Variants in TPCN2 observed in about 807,000 individuals in gnomAD.
The protein encoded by TPCN2 is two pore segment channel 2.
TPCN2 carries 92 observed loss-of-function variants against 111.4 expected under a neutral mutation model. That is an observed-to-expected ratio of 0.83 (90% confidence interval 0.70 to 0.98). The LOEUF is 0.98. TPCN2 is among the 50% of genes least tolerant of loss of function. The pLI, the probability that TPCN2 is intolerant of heterozygous loss-of-function variation, is 0.00. For missense variants in TPCN2, 995 were observed against 980.1 expected (o/e 1.02, Z -0.20); for synonymous variants, 405 against 414.5 (o/e 0.98, Z 0.28).
intron 1 of TPCN2, among the ~76,000 whole-genome samples, chr11:69,049,978 G>C (rs942988881): frequency 1.3e-5 from 2 of 152,220 alleles, no homozygotes; most frequent in African/African-American, 4.8e-5. Flanking sequence ...ACCACTCTGA[G>C]AATTCACACC....
rs201263398 is a variant in TPCN2, at chr11:69,087,173, C to T, written c.2147C>T (p.Ala716Val). 13 of 1,613,954 alleles carry T rather than the reference C, an allele frequency of 8.1e-6. No individual in the cohort carries two copies. The highest frequency in any genetic ancestry group is 3.3e-5 in the Admixed American group (2 of 60,020). Residue 716 changes from alanine to valine, a missense_variant, in exon 24 of 25, where the codon GCC becomes GTC. Physicochemically the swap from Ala to Val is moderately conservative, Grantham distance 64. Coordinates refer to ENST00000294309, the MANE Select transcript of TPCN2 (RefSeq NM_139075.4). ...HLQPLAGTPE[A>V]TYQMTVELLF... ...CAGCCCCTTGCTGGGACCCCAGAGG[C>T]CACCTACCAGATGACTGTGGAGCTC...
intron 7 of TPCN2, among the ~76,000 whole-genome samples, chr11:69,065,919 T>C (rs781424221): frequency 2.4e-4 from 36 of 152,208 alleles, no homozygotes; most frequent in Non-Finnish European, 4.3e-4. Flanking sequence ...TGCAGAGCTG[T>C]GGCTTGGGCT....
rs1201104603 is a variant in TPCN2 at position 69,071,517 on chromosome 11, G to A, written c.960+97G>A. ...GCAGCTGGGTGACCCTTGCTGGCCAGGCCCCTGGTGGGACGGGAGGGCAGG... is the reference window on the plus strand; with the variant it reads ...GCAGCTGGGTGACCCTTGCTGGCCAAGCCCCTGGTGGGACGGGAGGGCAGG... On this transcript the variant is annotated intron_variant, in intron 10 of 24. Transcript: ENST00000294309. 6.4e-6 allele frequency: 7 copies of A among 1,096,692 alleles called. No homozygotes were observed. In the African/African-American group the frequency reaches 9.2e-5, roughly 14 times the overall value. The allele number at this position is 1,096,692 out of a possible 1,614,324, so 67.9% of individuals were successfully genotyped here.
At chr11:69,067,360 T>C (rs1565086039) in intron 7 of TPCN2, 143 bp from the exon 8 acceptor site, 4 of 747,790 alleles carry the variant, frequency 5.3e-6, no homozygotes, top group East Asian at 5.1e-5. Context: ...TGTCTGGCCA[T>C]GAGCTCAGCC....
At chr11:69,054,882 C>T (rs1265846071) in intron 3 of TPCN2, 85 bp downstream of exon 3, 1 of 1,398,048 alleles carries the variant, frequency 7.2e-7, no homozygotes, top group Non-Finnish European at 1.0e-6. Flanking sequence ...ATCACCTGGT[C>T]TCAGGGTCCA....
At chr11:69,054,654 T>A in intron 2 of TPCN2, 67 bp from the exon 3 acceptor site, 1 of 1,456,224 alleles carries the variant, frequency 6.9e-7, no homozygotes, top group Non-Finnish European at 9.6e-7. Flanking sequence ...GTGTGTGGTG[T>A]GGGGCTCGGG....
chr11:69,063,931 C>T lies in TPCN2; in HGVS notation c.690C>T (p.Phe230=). ...TGCTGGCCATCCACCTGTGCCTCTT[C>T]ACCATGTTCGGAATGCTGCTGTTCG... The part of the protein sequence containing the change: ...GLLLAIHLCL[F]TMFGMLLFAG... The change falls in exon 7 of 25, where the codon TTC becomes TTT. Residue 230 remains phenylalanine, a synonymous_variant. Coordinates refer to ENST00000294309, the MANE Select transcript of TPCN2 (RefSeq NM_139075.4). The T allele has an allele frequency of 6.2e-7, 1 of 1,614,150 alleles. No individual in the cohort carries two copies. Among genetic ancestry groups the T allele is most frequent in the East Asian group, 2.2e-5 (1 of 44,882 alleles).
At chr11:69,067,427 T>C (rs1268569920) in intron 7 of TPCN2, 76 bp from the exon 8 acceptor site, 2 of 1,373,238 alleles carry the variant, frequency 1.5e-6, no homozygotes, top group Non-Finnish European at 2.1e-6. Context: ...TTCCAGCCGG[T>C]TGGGTCCGGG....
chr11:69,050,982 T>C (rs186424240), intron 1 of TPCN2, among the ~76,000 whole-genome samples: 83 of 152,336 alleles, frequency 5.4e-4, no homozygotes, highest in African/African-American at 1.8e-3. Context: ...GTGTTCTGAA[T>C]CCCCTTGGCC....
At position 69,072,524 on chromosome 11, in the gene TPCN2, C is replaced by G. The variant is rs1855581656; in HGVS notation, c.1062-103C>G. The G allele has an allele frequency of 4.2e-6, 5 of 1,184,260 alleles. No homozygotes were observed. The South Asian group carries it at 5.7e-5, about 14-fold the overall frequency. 73.4% of individuals were successfully genotyped at this position (1,184,260 alleles called of 1,614,324 possible). The stretch of plus-strand genomic sequence containing the variant: ...TGTGGCTCAAGCTGCAAAGTGGCTT[C>G]ATGGCAAAGCTCAAGCCAGACGCCA... On this transcript the variant is annotated intron_variant, in intron 11 of 24. Transcript: ENST00000294309.
intron 19 of TPCN2, 32 bp downstream of exon 19, chr11:69,084,048 A>T: frequency 6.2e-7 from 1 of 1,609,694 alleles, no homozygotes; most frequent in Non-Finnish European, 8.5e-7. Flanking sequence ...GTGGCGGGTT[A>T]TGCACTGGAG....
chr11:69,084,079 G>T, intron 19 of TPCN2, 63 bp downstream of exon 19: 1 of 1,544,412 alleles, frequency 6.5e-7, no homozygotes, highest in East Asian at 2.2e-5. Flanking sequence ...GGAGGCTGGC[G>T]GAAGGCAGTG....
At chr11:69,083,769 G>T (rs564019934) in intron 18 of TPCN2, among the ~76,000 whole-genome samples, 176 bp from the exon 19 acceptor site, 1 of 152,264 alleles carries the variant, frequency 6.6e-6, no homozygotes, top group African/African-American at 2.4e-5. Flanking sequence ...CTGACAGGCT[G>T]TGTGGGTGTG....
At chr11:69,074,986 G>A (rs1232881152) in intron 13 of TPCN2, among the ~76,000 whole-genome samples, 1 of 152,202 alleles carries the variant, frequency 6.6e-6, no homozygotes, top group Non-Finnish European at 1.5e-5. Flanking sequence ...CTCCTCCCGT[G>A]ATGATGTGGA....
rs2134554815 is a variant in TPCN2, at chr11:69,063,975, A to G, written c.726+8A>G. 1.2e-6 allele frequency: 2 copies of G among 1,613,686 alleles called. No individual in the cohort carries two copies. The highest frequency in any genetic ancestry group is 1.7e-4 in the Middle Eastern group (1 of 6,060). Reference sequence around the variant, plus strand: ...CTGTTCGCTGGTGGGAAGGTAGGGCACCCGTGGTCAGGGTCTGGGAATGGG... The same window carrying G: ...CTGTTCGCTGGTGGGAAGGTAGGGCGCCCGTGGTCAGGGTCTGGGAATGGG... On this transcript the variant is annotated splice_region_variant and intron_variant, in intron 7 of 24. Coordinates refer to ENST00000294309, the MANE Select transcript of TPCN2 (RefSeq NM_139075.4).
intron 13 of TPCN2, among the ~76,000 whole-genome samples, chr11:69,075,046 G>A (rs1186741318): frequency 1.3e-5 from 2 of 152,240 alleles, no homozygotes; most frequent in Non-Finnish European, 1.5e-5. Flanking sequence ...GCGGGCTTGT[G>A]TGCGCACAGG....
At chr11:69,058,839 C>T (rs1854892607) in intron 5 of TPCN2, among the ~76,000 whole-genome samples, 1 of 152,270 alleles carries the variant, frequency 6.6e-6, no homozygotes, top group South Asian at 2.1e-4. Context: ...GAGGATAGCC[C>T]TCCCACCGCC....
chr11:69,079,897 C>T lies in TPCN2; in HGVS notation c.1589+14C>T, dbSNP rs752635095. Reference sequence around the variant, plus strand: ...ACACCCAGGCTGGTATGTGACTGGGCAGAACCGAGGGCGGCTACAGCAAAC... The same window carrying T: ...ACACCCAGGCTGGTATGTGACTGGGTAGAACCGAGGGCGGCTACAGCAAAC... On this transcript the variant is annotated intron_variant, in intron 17 of 24. Transcript: ENST00000294309. 1 of 1,613,174 alleles carries T rather than the reference C, an allele frequency of 6.2e-7. No individual in the cohort carries two copies. Among genetic ancestry groups the T allele is most frequent in the Non-Finnish European group, 8.5e-7 (1 of 1,179,556 alleles).
intron 17 of TPCN2, 80 bp downstream of exon 17, chr11:69,079,963 TC>T: frequency 7.3e-7 from 1 of 1,377,096 alleles, no homozygotes; most frequent in Non-Finnish European, 1.0e-6. Context: ...CTCAGTGGTG[TC>T]CAGGGGGCTG....
Sources: gnomAD v4.1 joint callset for allele counts (sites outside exome capture counted in the v4.1 genomes callset) on GRCh38, gnomAD v4.1.1 for gene constraint, MANE v1.5 for transcripts, NCBI Gene and HGNC (gene_info 2026-07-23, HGNC 2026-07-21) for gene names.